PRKCB: variants seen among roughly 807,000 people sequenced by gnomAD.
PRKCB encodes protein kinase C beta type.
A neutral mutation model predicts 81.5 loss-of-function variants in PRKCB; 13 were observed. The observed-to-expected ratio is 0.16, with a 90% CI of 0.10 to 0.25. PRKCB has a LOEUF of 0.25. PRKCB is among the 10% of genes least tolerant of loss of function. PRKCB has a pLI of 1.00. For missense variants in PRKCB, 509 were observed against 875.7 expected, an observed-to-expected ratio of 0.58 and a Z score of 5.29; for synonymous variants, 335 against 321.4, an observed-to-expected ratio of 1.04 and a Z score of -0.45.
At chr16:24,107,735 A>G (rs1288645867) in intron 7 of PRKCB, among the ~76,000 whole-genome samples, 2 of 152,252 alleles carry the variant, frequency 1.3e-5, no homozygotes, top group Admixed American at 6.5e-5. Flanking sequence ...AGGCACTGAC[A>G]TGTCTCCTCT....
In PRKCB at chr16:24,147,237, G is replaced by A. The variant is rs1025401495; in HGVS notation, c.1066-7447G>A. On this transcript the variant is annotated intron_variant, in intron 9 of 16. Transcript: ENST00000643927. ...GCAGGAGAATGGAGTGAACTCGGGA[G>A]GCGGAGCTTGCAGTGAGCCGAGATC... Among the ~76,000 whole-genome samples, 4 of 151,484 alleles carry A rather than the reference G, an allele frequency of 2.6e-5. No individual in the cohort carries two copies. The South Asian group carries it at 6.3e-4, about 24-fold the overall frequency.
At chr16:23,860,058 G>GAA (rs1390598669) in intron 2 of PRKCB, among the ~76,000 whole-genome samples, 1 of 151,894 alleles carries the variant, frequency 6.6e-6, no homozygotes. Context: ...TTGTGAAGCA[G>GAA]AAAAAAAGAG....
At chr16:23,838,167 C>T (rs1370897905) in intron 2 of PRKCB, among the ~76,000 whole-genome samples, 2 of 152,180 alleles carry the variant, frequency 1.3e-5, no homozygotes, top group East Asian at 3.9e-4. Context: ...AAGTTACCCG[C>T]AGCTCTGTGT....
chr16:23,880,985 T>C (rs1358809347), intron 2 of PRKCB, among the ~76,000 whole-genome samples: 1 of 152,108 alleles, frequency 6.6e-6, no homozygotes, highest in African/African-American at 2.4e-5. Context: ...CTCCGGATGG[T>C]CATGGGGGTA....
At chr16:24,200,655 A>C (rs1190081565) in intron 16 of PRKCB, among the ~76,000 whole-genome samples, 2 of 152,202 alleles carry the variant, frequency 1.3e-5, no homozygotes, top group Non-Finnish European at 2.9e-5. Context: ...GGTGAAGGGC[A>C]AGAGAGAGTA....
intron 5 of PRKCB, among the ~76,000 whole-genome samples, chr16:24,037,260 A>G (rs1383882475): frequency 6.6e-6 from 1 of 152,164 alleles, no homozygotes; most frequent in African/African-American, 2.4e-5. Context: ...AAGTGCTGGG[A>G]TTACAGGTGT....
At chr16:23,970,178 G>C (rs767116341) in intron 2 of PRKCB, among the ~76,000 whole-genome samples, 46 of 152,238 alleles carry the variant, frequency 3.0e-4, no homozygotes, top group Non-Finnish European at 4.9e-4. Flanking sequence ...GGCAGCTTGT[G>C]TGTTTGTATT....
chr16:24,009,146 T>A (rs1281105644), intron 3 of PRKCB, among the ~76,000 whole-genome samples: 1 of 152,216 alleles, frequency 6.6e-6, no homozygotes, highest in Admixed American at 6.5e-5. Context: ...TGAAGAGTGC[T>A]GCAATGAACA....
At chr16:24,074,682 C>T (rs1017565732) in intron 5 of PRKCB, among the ~76,000 whole-genome samples, 7 of 152,128 alleles carry the variant, frequency 4.6e-5, no homozygotes, top group African/African-American at 1.7e-4. Context: ...ATAAGATCTG[C>T]GTTCTGGGAA....
intron 2 of PRKCB, among the ~76,000 whole-genome samples, chr16:23,847,218 T>C (rs894215356): frequency 2.0e-5 from 3 of 152,144 alleles, no homozygotes; most frequent in Non-Finnish European, 2.9e-5. Context: ...GAGTATCAAA[T>C]TGGGCTTGAG....
intron 3 of PRKCB, among the ~76,000 whole-genome samples, chr16:24,021,072 C>CTCCCTTCTTTCT: frequency 4.4e-4 from 42 of 94,450 alleles, no homozygotes; most frequent in Admixed American, 1.2e-3. Context: ...CCCTCCCTCC[C>CTCCCTTCTTTCT]TTCTTTCTTT....
chr16:24,199,415 ATG>A (rs898690530), intron 16 of PRKCB, among the ~76,000 whole-genome samples: 10 of 152,062 alleles, frequency 6.6e-5, no homozygotes, highest in Admixed American at 4.6e-4. Flanking sequence ...GTGTGTCTGA[ATG>A]TGTGTGTTTG....
chr16:23,911,030 G>A (rs1337227841), intron 2 of PRKCB, among the ~76,000 whole-genome samples: 1 of 150,650 alleles, frequency 6.6e-6, no homozygotes, highest in Non-Finnish European at 1.5e-5. Context: ...TTTCCATTGG[G>A]TGGATGGACC....
intron 16 of PRKCB, chr16:24,208,306 C>T (rs1968079246): frequency 6.6e-6 from 1 of 152,308 alleles, no homozygotes; most frequent in Non-Finnish European, 1.5e-5. Flanking sequence ...AAAAGAGATC[C>T]CTGTGGCAGT....
At chr16:24,189,124 A>G (rs1967749347) in intron 15 of PRKCB, among the ~76,000 whole-genome samples, 1 of 152,022 alleles carries the variant, frequency 6.6e-6, no homozygotes, top group Non-Finnish European at 1.5e-5. Flanking sequence ...TGAGAAAACC[A>G]CGTGTGAAAT....
intron 16 of PRKCB, among the ~76,000 whole-genome samples, chr16:24,199,164 G>A (rs961537371): frequency 1.4e-4 from 22 of 152,136 alleles, no homozygotes; most frequent in Non-Finnish European, 1.3e-4. Flanking sequence ...TACTACTTGG[G>A]CTATCTGATC....
rs540031935 is a variant in PRKCB, at chr16:24,173,387, C to T, written c.1331+1026C>T. Reference sequence around the variant, plus strand: ...GATCTTATTGCCTCTCCAGAGAGCCCCCAGAGCTCATCTAGAACCCCACCT... The same window carrying T: ...GATCTTATTGCCTCTCCAGAGAGCCTCCAGAGCTCATCTAGAACCCCACCT... On this transcript the variant is annotated intron_variant, in intron 11 of 16. Coordinates refer to ENST00000643927, the MANE Select transcript of PRKCB (RefSeq NM_002738.7). Among the ~76,000 whole-genome samples the T allele has an allele frequency of 7.2e-4, 110 of 152,202 alleles. 2 individuals are homozygous for T. In the Middle Eastern group the frequency reaches 0.017, roughly 24 times the overall value.
At chr16:24,093,027 C>T (rs1966395813) in intron 6 of PRKCB, 80 bp downstream of exon 6, 3 of 1,443,966 alleles carry the variant, frequency 2.1e-6, no homozygotes, top group Non-Finnish European at 2.8e-6. Context: ...TTCCTCCTCC[C>T]TTAGCTCCTG....
intron 3 of PRKCB, among the ~76,000 whole-genome samples, chr16:24,023,894 G>C (rs952874087): frequency 2.0e-5 from 3 of 152,100 alleles, no homozygotes; most frequent in Non-Finnish European, 4.4e-5. Flanking sequence ...TGTCCATTCC[G>C]TTTGGTCTGT....
Sources: allele counts gnomAD v4.1 joint callset (sites outside exome capture counted in the v4.1 genomes callset), GRCh38; gene constraint gnomAD v4.1.1; transcripts MANE v1.5; gene names NCBI Gene and HGNC (gene_info 2026-07-23, HGNC 2026-07-21).